Variants in REV3L observed in about 807,000 individuals in gnomAD.
REV3L encodes DNA polymerase zeta catalytic subunit.
REV3L carries 69 observed loss-of-function variants against 299.4 expected under a neutral mutation model. That is an observed-to-expected ratio of 0.23 (90% confidence interval 0.19 to 0.28). The LOEUF is 0.28. REV3L is among the 10% of genes least tolerant of loss of function. The probability of loss-of-function intolerance (pLI) is 1.00; values close to 1 mark genes in which losing one functional copy is unlikely to be tolerated. For synonymous variants in REV3L, 1,238 were observed against 1,271.4 expected, an observed-to-expected ratio of 0.97 and a Z score of 0.56; for missense variants, 3,128 against 3,693.8, an observed-to-expected ratio of 0.85 and a Z score of 3.97.
intron 2 of REV3L, among the ~76,000 whole-genome samples, chr6:111,414,540 T>C (rs959683798): frequency 1.3e-5 from 2 of 152,156 alleles, no homozygotes; most frequent in Admixed American, 1.3e-4. Flanking sequence ...TCTGCTGCTC[T>C]GGAATGAGAT....
At position 111,367,591 on chromosome 6, in the gene REV3L, G is replaced by A. The variant is rs1290628561; in HGVS notation, c.6197C>T (p.Thr2066Ile). The A allele has an allele frequency of 3.1e-6, 5 of 1,614,016 alleles. No individual in the cohort carries two copies. Among genetic ancestry groups the A allele is most frequent in the Non-Finnish European group, 3.4e-6 (4 of 1,180,002 alleles). The part of the protein sequence containing the change: ...SPCILPTTAH[T>I]KEDVDNSQIA... ...CTGAGAATTATCAACATCCTCCTTG[G>A]TATGTGCTGTAGTGGGGAGTATACA... The change falls in exon 14 of 32, where the codon ACC becomes ATC. Residue 2066 changes from threonine to isoleucine, a missense_variant. This residue lies in a region of REV3L where 2,409 missense variants were observed against 2,611.8 expected (regional missense o/e 0.92). Coordinates refer to ENST00000368802, the MANE Select transcript of REV3L (RefSeq NM_001372078.1).
intron 2 of REV3L, among the ~76,000 whole-genome samples, chr6:111,413,345 A>G (rs113675388): frequency 5.9e-5 from 9 of 152,262 alleles, no homozygotes; most frequent in African/African-American, 2.2e-4. Context: ...TTAAAAAATT[A>G]TATCTCGTAA....
At chr6:111,473,935 A>G (rs182836021) in intron 1 of REV3L, among the ~76,000 whole-genome samples, 16 of 152,286 alleles carry the variant, frequency 1.1e-4, no homozygotes, top group Non-Finnish European at 2.2e-4. Flanking sequence ...AAATGAGTAC[A>G]TTTGACTAGA....
intron 21 of REV3L, among the ~76,000 whole-genome samples, chr6:111,342,364 C>G (rs12200610): frequency 0.11 from 16,398 of 151,964 alleles, 1,167 homozygotes; most frequent in Middle Eastern, 0.21. Context: ...GCTGAGCAAA[C>G]CCCAGAAGAA....
At chr6:111,473,776 G>C (rs887397141) in intron 1 of REV3L, among the ~76,000 whole-genome samples, 4 of 151,806 alleles carry the variant, frequency 2.6e-5, no homozygotes, top group Non-Finnish European at 1.5e-5. Context: ...CTCATGTTTC[G>C]GGGGGAGAGG....
chr6:111,352,008 C>T (rs463853), intron 18 of REV3L, among the ~76,000 whole-genome samples: 1 of 150,846 alleles, frequency 6.6e-6, no homozygotes, highest in African/African-American at 2.4e-5. Context: ...TTGTTTCTTT[C>T]TTTCTTTTTT....
At chr6:111,366,380 G>A (rs1018063965) in intron 14 of REV3L, among the ~76,000 whole-genome samples, 1 of 152,122 alleles carries the variant, frequency 6.6e-6, no homozygotes, top group African/African-American at 2.4e-5. Context: ...TAATCCTGTA[G>A]ACAGGAATTA....
At position 111,335,450 on chromosome 6, in the gene REV3L, A is replaced by C; in HGVS notation, c.7680+19T>G. The stretch of plus-strand genomic sequence containing the variant: ...ACTCATACAGAACTTTCAAGTCTGC[A>C]AGAAAACTGATTTCCCACCTGTGAA... On this transcript the variant is annotated intron_variant, in intron 22 of 31. Coordinates refer to ENST00000368802, the MANE Select transcript of REV3L (RefSeq NM_001372078.1). 1 of 1,603,590 alleles carries C rather than the reference A, an allele frequency of 6.2e-7. No individual in the cohort carries two copies. The highest frequency in any genetic ancestry group is 8.5e-7 in the Non-Finnish European group (1 of 1,175,912).
Position 111,422,770 on chromosome 6 carries a change from A to G in REV3L, c.140-6298T>C, listed in dbSNP as rs1785724183. On this transcript the variant is annotated intron_variant, in intron 1 of 31. Transcript: ENST00000368802. ...AGAAAGAATTTACCTACTTTTAAAT[A>G]ACCCAGAAACTTAAAAGGCAAAACA... Among the ~76,000 whole-genome samples, 3 of 148,580 alleles carry G rather than the reference A, an allele frequency of 2.0e-5. No homozygotes were observed. The South Asian group carries it at 6.4e-4, about 32-fold the overall frequency.
At chr6:111,450,478 C>CA (rs869119350) in intron 1 of REV3L, among the ~76,000 whole-genome samples, 3,772 of 54,046 alleles carry the variant, frequency 0.07, 570 homozygotes, top group African/African-American at 0.14. Flanking sequence ...GACCCTGTCT[C>CA]AAAAAAAAAA....
rs367778830 is a variant in REV3L, at chr6:111,373,691, T to C, written c.4664A>G (p.His1555Arg). The C allele has an allele frequency of 1.2e-6, 2 of 1,614,000 alleles. No individual in the cohort carries two copies. The highest frequency in any genetic ancestry group is 1.7e-6 in the Non-Finnish European group (2 of 1,179,972). ...ACCAGAAATATTTTTATTTGGTTGATGTTTATTGGATAATGGGTCTTGTGT... is the reference window on the plus strand; with the variant it reads ...ACCAGAAATATTTTTATTTGGTTGACGTTTATTGGATAATGGGTCTTGTGT... ...NTTQDPLSNK[H>R]QPNKNISGSL... Residue 1555 changes from histidine to arginine, a missense_variant, in exon 13 of 32, where the codon CAT becomes CGT. Physicochemically the swap from His to Arg is conservative, Grantham distance 29 (BLOSUM62 0). Coordinates refer to ENST00000368802, the MANE Select transcript of REV3L (RefSeq NM_001372078.1).
chr6:111,397,553 C>T (rs1469306295), intron 4 of REV3L, among the ~76,000 whole-genome samples: 1 of 152,118 alleles, frequency 6.6e-6, no homozygotes, highest in Non-Finnish European at 1.5e-5. Flanking sequence ...GAGAATGTTC[C>T]ACATGCAGAT....
chr6:111,415,633 C>T (rs1784681143), intron 2 of REV3L, among the ~76,000 whole-genome samples: 1 of 152,122 alleles, frequency 6.6e-6, no homozygotes, highest in South Asian at 2.1e-4. Context: ...TCTCTCTTAT[C>T]TCATTTAGTC....
At position 111,363,888 on chromosome 6, in the gene REV3L, T is replaced by A. The variant is rs1778946431; in HGVS notation, c.6844A>T (p.Ile2282Leu). 1 of 1,613,586 alleles carries A rather than the reference T, an allele frequency of 6.2e-7. No individual in the cohort carries two copies. The highest frequency in any genetic ancestry group is 8.5e-7 in the Non-Finnish European group (1 of 1,179,722). ...GCTTTTGCCTCCTGTAAGTTTTGTA[T>A]GCTGACTTTGAAACCGTAAGTATTG... ...LNNTYGFKVS[I>L]QNLQEAKALH... The change falls in exon 16 of 32, where the codon ATA becomes TTA. Residue 2282 changes from isoleucine to leucine, a missense_variant. Ile to Leu is a conservative substitution (Grantham distance 5, BLOSUM62 2). Transcript: ENST00000368802.
chr6:111,482,962 C>A lies in REV3L; in HGVS notation c.-74G>T, dbSNP rs1212285880. 1 of 1,429,282 alleles carries A rather than the reference C, an allele frequency of 7.0e-7. No homozygotes were observed. Among genetic ancestry groups the A allele is most frequent in the Non-Finnish European group, 9.1e-7 (1 of 1,096,178 alleles). The allele number at this position is 1,429,282 out of a possible 1,614,324, so 88.5% of individuals were successfully genotyped here. A position where few individuals can be genotyped will look rare whatever the true frequency, so the allele number is the denominator to read the frequency against. On this transcript the variant is annotated 5_prime_UTR_variant, in exon 1 of 32. Coordinates refer to ENST00000368802, the MANE Select transcript of REV3L (RefSeq NM_001372078.1). ...CAGCAGCAGCGGCGGCGGCTCCCTCCGCAGCGGCGGCGGCGCCCCCTCCCC... is the reference window on the plus strand; with the variant it reads ...CAGCAGCAGCGGCGGCGGCTCCCTCAGCAGCGGCGGCGGCGCCCCCTCCCC...
chr6:111,402,025 G>A (rs1332229359), intron 4 of REV3L, among the ~76,000 whole-genome samples: 1 of 152,026 alleles, frequency 6.6e-6, no homozygotes, highest in South Asian at 2.1e-4. Flanking sequence ...GAGGTGGGAG[G>A]ATGGCTTGAG....
At chr6:111,413,047 T>A (rs1012377644) in intron 2 of REV3L, among the ~76,000 whole-genome samples, 1 of 152,182 alleles carries the variant, frequency 6.6e-6, no homozygotes, top group African/African-American at 2.4e-5. Flanking sequence ...CTTTTTATAA[T>A]ACCACTTCCC....
chr6:111,425,916 C>T lies in REV3L; in HGVS notation c.140-9444G>A, dbSNP rs887349954. Among the ~76,000 whole-genome samples, 8 of 152,120 alleles carry T rather than the reference C, an allele frequency of 5.3e-5. No individual in the cohort carries two copies. The East Asian group carries it at 1.3e-3, about 26-fold the overall frequency. ...TTCAATAACTAAAATGAAAAATTTA[C>T]AAGAGGGGGTATGATACTATGATAT... is the stretch of plus-strand genomic sequence containing the variant. On this transcript the variant is annotated intron_variant, in intron 1 of 31. Transcript: ENST00000368802.
chr6:111,357,203 C>T (rs1295388088), intron 17 of REV3L, 78 bp from the exon 18 acceptor site: 3 of 466,550 alleles, frequency 6.4e-6, no homozygotes, highest in Non-Finnish European at 1.0e-5. Context: ...TAATATTATC[C>T]TCTACTTTTA....
Sources: gnomAD v4.1 joint callset for allele counts (sites outside exome capture counted in the v4.1 genomes callset) on GRCh38, gnomAD v4.1.1 for gene constraint, gnomAD v4.1.1 regional missense constraint, MANE v1.5 for transcripts, NCBI Gene and HGNC (gene_info 2026-07-23, HGNC 2026-07-21) for gene names.